AARS2: variants seen among roughly 807,000 people sequenced by gnomAD.
AARS2 encodes alanyl-tRNA synthetase 2, mitochondrial, also known as alanine--tRNA ligase, mitochondrial.
Under a neutral mutation model 119.7 loss-of-function variants are expected in AARS2, and 78 were observed. The observed-to-expected ratio is 0.65, with a 90% CI of 0.54 to 0.79. The LOEUF is 0.79. Among genes scored for constraint, AARS2 ranks in the 30% least tolerant of loss-of-function variants. The pLI is 0.00. For missense variants in AARS2, 1,157 were observed against 1,291.3 expected, an observed-to-expected ratio of 0.90 and a Z score of 1.59; for synonymous variants, 502 against 526.3, an observed-to-expected ratio of 0.95 and a Z score of 0.63.
At chr6:44,303,558 T>TAGC in intron 14 of AARS2, 135 bp from the exon 15 acceptor site, 3 of 1,344,318 alleles carry the variant, frequency 2.2e-6, no homozygotes, top group Non-Finnish European at 3.2e-6. Context: ...TAATAGGTGC[T>TAGC]CAATAAACAC....
At chr6:44,308,950 T>G (rs958038473) in intron 5 of AARS2, among the ~76,000 whole-genome samples, 1 of 152,184 alleles carries the variant, frequency 6.6e-6, no homozygotes, top group South Asian at 2.1e-4. Flanking sequence ...ACTTTGGACT[T>G]TGAGGCCCAC....
Position 44,311,400 on chromosome 6 carries a change from G to A in AARS2, c.571C>T (p.Leu191=). ...DPDLETRDIW[L]SLGVPASRVL... is the part of the protein sequence containing the mutation. The stretch of plus-strand genomic sequence containing the variant: ...AGGGGGCTGACTTACCCTAAGCTCA[G>A]CCAGATGTCCCTGGTCTCCAGGTCT... The change falls in exon 3 of 22, where the codon CTG becomes TTG. Residue 191 remains leucine, a synonymous_variant. Coordinates refer to ENST00000244571, the MANE Select transcript of AARS2 (RefSeq NM_020745.4). The A allele has an allele frequency of 6.2e-6, 10 of 1,614,176 alleles. No homozygotes were observed. Among genetic ancestry groups the A allele is most frequent in the Non-Finnish European group, 6.8e-6 (8 of 1,180,036 alleles).
At position 44,306,477 on chromosome 6, in the gene AARS2, C is replaced by T. The variant is rs760135404; in HGVS notation, c.1188+17G>A. 2.0e-5 allele frequency: 33 copies of T among 1,614,080 alleles called. No individual in the cohort carries two copies. In the South Asian group the frequency reaches 3.4e-4, roughly 17 times the overall value. ...ACTCTCCCATCAACCCCTTTCTCTC[C>T]CACTGGAATCCAGTACCTGGGCTGA... is the stretch of plus-strand genomic sequence containing the variant. On this transcript the variant is annotated intron_variant, in intron 8 of 21. Coordinates refer to ENST00000244571, the MANE Select transcript of AARS2 (RefSeq NM_020745.4).
rs1785862700 is a variant in AARS2 at position 44,306,514 on chromosome 6, G to T, written c.1168C>A (p.Leu390Met). ...VETLGDAYPELQRNSAQIANL... is the reference protein window; with the variant it reads ...VETLGDAYPEMQRNSAQIANL... ...AGTACCTGGGCTGAGTTCCTTTGCA[G>T]TTCTGGATAAGCATCTCCCTGGGGG... Residue 390 changes from leucine to methionine, a missense_variant, in exon 8 of 22, where the codon CTG (leucine) becomes ATG (methionine). By Grantham distance (15) the Leu-to-Met change is conservative. Transcript: ENST00000244571. 1 of 1,614,054 alleles carries T rather than the reference G, an allele frequency of 6.2e-7. No homozygotes were observed. The highest frequency in any genetic ancestry group is 8.5e-7 in the Non-Finnish European group (1 of 1,180,038).
chr6:44,308,013 T>C (rs941833250), intron 5 of AARS2, among the ~76,000 whole-genome samples: 13 of 152,166 alleles, frequency 8.5e-5, no homozygotes, highest in Non-Finnish European at 1.5e-4. Flanking sequence ...CTGGGAGCCA[T>C]CTTTGAATTC....
Position 44,299,391 on chromosome 6 carries a change from G to A in AARS2, c.*1156C>T, listed in dbSNP as rs1407161272. ...CCTCCCAAGTAGCTGGGACCAAGGT[G>A]TGGGTAGTCTCAGCTACCTGGGAGG... is the stretch of plus-strand genomic sequence containing the variant. On this transcript the variant is annotated 3_prime_UTR_variant, in exon 22 of 22. Transcript: ENST00000244571. 3.3e-5 allele frequency among the ~76,000 whole-genome samples: 5 copies of A among 151,912 alleles called. No homozygotes were observed. Among genetic ancestry groups the A allele is most frequent in the Admixed American group, 3.3e-4 (5 of 15,278 alleles).
chr6:44,310,532 GC>G, intron 4 of AARS2, 89 bp from the exon 5 acceptor site: 1 of 1,535,170 alleles, frequency 6.5e-7, no homozygotes, highest in East Asian at 2.3e-5. Context: ...ATGGGGGGGG[GC>G]CCAAGGGAGC....
rs1324738571 is a variant in AARS2, at chr6:44,310,302, C to A, written c.891G>T (p.Gln297His). ...CTGGAAGGGAAGAGGCACTCACCTGCTGTATGGCGTTGAGCAGCGGGGAAA... is the reference window on the plus strand; with the variant it reads ...CTGGAAGGGAAGAGGCACTCACCTGATGTATGGCGTTGAGCAGCGGGGAAA... The part of the protein sequence containing the change: ...DLFSPLLNAI[Q>H]QGCRAPPYLG... The change falls in exon 5 of 22, where the codon CAG becomes CAT. Residue 297 changes from glutamine (Q) to histidine (H), a missense_variant. Transcript: ENST00000244571. 6.3e-7 allele frequency: 1 copy of A among 1,596,724 alleles called. No homozygotes were observed. The highest frequency in any genetic ancestry group is 1.1e-5 in the South Asian group (1 of 88,304).
intron 4 of AARS2, 75 bp downstream of exon 4, chr6:44,310,919 C>T (rs1273670512): frequency 4.4e-6 from 7 of 1,587,418 alleles, no homozygotes; most frequent in Non-Finnish European, 6.0e-6. Context: ...TTATATGAAA[C>T]AGATCAAAGT....
intron 7 of AARS2, 33 bp from the exon 8 acceptor site, chr6:44,306,565 A>C (rs1424865997): frequency 6.2e-7 from 1 of 1,613,944 alleles, no homozygotes; most frequent in South Asian, 1.1e-5. Flanking sequence ...AGGAGGTGTG[A>C]AAGGCAACCA....
chr6:44,306,455 C>T (rs1479966919), intron 8 of AARS2, 39 bp downstream of exon 8: 1 of 1,614,134 alleles, frequency 6.2e-7, no homozygotes. Context: ...CTCCACAACT[C>T]TCCCATCAAC....
intron 13 of AARS2, 28 bp downstream of exon 13, chr6:44,304,392 A>G: frequency 1.2e-6 from 2 of 1,613,952 alleles, no homozygotes; most frequent in East Asian, 2.2e-5. Context: ...GCTGCAGGGT[A>G]TTGGGAACAG....
At position 44,299,695 on chromosome 6, in the gene AARS2, T is replaced by G. The variant is rs1002897185; in HGVS notation, c.*852A>C. On this transcript the variant is annotated 3_prime_UTR_variant, in exon 22 of 22. Coordinates refer to ENST00000244571, the MANE Select transcript of AARS2 (RefSeq NM_020745.4). ...ACAAACCAGCAGGGCCCAATTTAAA[T>G]TAGAGGTCATTGTTAATGAAAGAAG... is the stretch of plus-strand genomic sequence containing the variant. 6.6e-5 allele frequency: 10 copies of G among 152,122 alleles called. No individual in the cohort carries two copies. Among genetic ancestry groups the G allele is most frequent in the Non-Finnish European group, 1.3e-4 (9 of 68,020 alleles). 9.4% of individuals were successfully genotyped at this position (152,122 alleles called of 1,614,324 possible).
intron 16 of AARS2, 75 bp from the exon 17 acceptor site, chr6:44,302,985 T>A: frequency 6.2e-7 from 1 of 1,603,070 alleles, no homozygotes; most frequent in East Asian, 2.2e-5. Flanking sequence ...CATCTCCCAT[T>A]AAGGGCTGAT....
Position 44,307,336 on chromosome 6 carries a change from T to C in AARS2, c.953A>G (p.Asp318Gly). 2 of 1,612,862 alleles carry C rather than the reference T, an allele frequency of 1.2e-6. No homozygotes were observed. Among genetic ancestry groups the C allele is most frequent in the Non-Finnish European group, 1.7e-6 (2 of 1,179,506 alleles). The change falls in exon 6 of 22, where the codon GAC (aspartate) becomes GGC (glycine). Residue 318 changes from aspartate to glycine, a missense_variant. By Grantham distance (94) the Asp-to-Gly change is moderately conservative (BLOSUM62 -1). Coordinates refer to ENST00000244571, the MANE Select transcript of AARS2 (RefSeq NM_020745.4). The surrounding 1 kb of genome is among the most constrained non-coding windows in gnomAD (Gnocchi z 4.4). ...RVGVADEGRT[D>G]TAYRVVADHI... is the part of the protein sequence containing the mutation. ...GTCAGCCACCACGCGGTACGCTGTG[T>C]CTGTGCGCCCCTCGTCTGCCACCCC...
At position 44,307,015 on chromosome 6, in the gene AARS2, T is replaced by A; in HGVS notation, c.1057A>T (p.Ile353Phe). The change falls in exon 7 of 22, where the codon ATC (isoleucine) becomes TTC (phenylalanine). Residue 353 changes from isoleucine (I) to phenylalanine (F), a missense_variant. Ile to Phe is a conservative substitution (Grantham distance 21, BLOSUM62 0). Coordinates refer to ENST00000244571, the MANE Select transcript of AARS2 (RefSeq NM_020745.4). This position sits in a 1 kb window ranked among gnomAD's most constrained non-coding sequence, Gnocchi z 4.4. The part of the protein sequence containing the change: ...MSGPPLVLRR[I>F]LRRAVRFSME... ...GAGAAACGCACAGCTCGACGCAGGATCCGACGAAGAACCAGCCTAAAGGGG... is the reference window on the plus strand; with the variant it reads ...GAGAAACGCACAGCTCGACGCAGGAACCGACGAAGAACCAGCCTAAAGGGG... 1 of 1,613,956 alleles carries A rather than the reference T, an allele frequency of 6.2e-7. No homozygotes were observed. Among genetic ancestry groups the A allele is most frequent in the Non-Finnish European group, 8.5e-7 (1 of 1,179,968 alleles).
rs324137 is a variant in AARS2, at chr6:44,305,809, A to G, written c.1301-23T>C. On this transcript the variant is annotated intron_variant, in intron 9 of 21. Coordinates refer to ENST00000244571, the MANE Select transcript of AARS2 (RefSeq NM_020745.4). The surrounding 1 kb of genome is among the most constrained non-coding windows in gnomAD (Gnocchi z 4.6). The stretch of plus-strand genomic sequence containing the variant: ...CAGCTTTGAGAAAGAAAGACAAAGA[A>G]TGTTGAGGAGGGGAGGGATTAGACA... 1 of 1,613,328 alleles carries G rather than the reference A, an allele frequency of 6.2e-7. No individual in the cohort carries two copies. The highest frequency in any genetic ancestry group is 8.5e-7 in the Non-Finnish European group (1 of 1,179,508).
Position 44,299,570 on chromosome 6 carries a change from C to T in AARS2, c.*977G>A, listed in dbSNP as rs1380638517. 6.6e-6 allele frequency: 1 copy of T among 152,040 alleles called. No individual in the cohort carries two copies. The highest frequency in any genetic ancestry group is 2.4e-5 in the African/African-American group (1 of 41,398). 9.4% of individuals were successfully genotyped at this position (152,040 alleles called of 1,614,324 possible). ...ATGAGCCACCAAGCCTGACCCTCTT[C>T]TTTTGCTTTATTTCCTGTTTCCTCC... On this transcript the variant is annotated 3_prime_UTR_variant, in exon 22 of 22. Transcript: ENST00000244571.
intron 14 of AARS2, 116 bp from the exon 15 acceptor site, chr6:44,303,539 G>T: frequency 1.3e-6 from 2 of 1,489,310 alleles, no homozygotes; most frequent in South Asian, 1.2e-5. Context: ...TAGAATAGTG[G>T]CTAGCACATA....
Sources: gnomAD v4.1 joint callset for allele counts (sites outside exome capture counted in the v4.1 genomes callset) on GRCh38, gnomAD v4.1.1 for gene constraint, Gnocchi (gnomAD v3.1) non-coding constraint, MANE v1.5 for transcripts, NCBI Gene and HGNC (gene_info 2026-07-23, HGNC 2026-07-21) for gene names.